SLCO1B3: variants seen among roughly 807,000 people sequenced by gnomAD.
The protein encoded by SLCO1B3 is liver-specific organic anion transporter 2.
SLCO1B3 carries 72 observed loss-of-function variants against 71.8 expected under a neutral mutation model. The observed-to-expected ratio is 1.00, with a 90% CI of 0.83 to 1.22. SLCO1B3 has a LOEUF of 1.22. Among genes scored for constraint, SLCO1B3 ranks in the 50% most tolerant of loss-of-function variants. The pLI is 0.00. For missense variants in SLCO1B3, 911 were observed against 819.7 expected, an observed-to-expected ratio of 1.11 and a Z score of -1.36; for synonymous variants, 298 against 278.4, an observed-to-expected ratio of 1.07 and a Z score of -0.70.
intron 8 of SLCO1B3, among the ~76,000 whole-genome samples, chr12:20,873,473 C>G (rs769988324): frequency 5.9e-5 from 9 of 152,240 alleles, no homozygotes; most frequent in Non-Finnish European, 1.2e-4. Flanking sequence ...CTGGCATATG[C>G]TGGGTCCTCT....
At chr12:20,878,991 C>A (rs893337643) in intron 10 of SLCO1B3, among the ~76,000 whole-genome samples, 3 of 151,964 alleles carry the variant, frequency 2.0e-5, no homozygotes, top group Admixed American at 6.6e-5. Context: ...GGATAGAAAT[C>A]TCAGAGAAAG....
At chr12:20,857,579 T>C (rs967627038) in intron 4 of SLCO1B3, among the ~76,000 whole-genome samples, 1 of 152,060 alleles carries the variant, frequency 6.6e-6, no homozygotes, top group Non-Finnish European at 1.5e-5. Context: ...ATTTTTAGTC[T>C]GCCAGTTCTG....
At chr12:20,819,473 A>G (rs940666411) in intron 3 of SLCO1B3, among the ~76,000 whole-genome samples, 28 of 152,252 alleles carry the variant, frequency 1.8e-4, no homozygotes, top group Admixed American at 1.0e-3. Flanking sequence ...CTGGTGCAAA[A>G]GAATAGTAAA....
At chr12:20,915,944 A>C in intron 15 of SLCO1B3, 60 bp from the exon 16 acceptor site, 2 of 1,377,244 alleles carry the variant, frequency 1.5e-6, no homozygotes, top group South Asian at 2.8e-5. Flanking sequence ...GGGAGAAAAA[A>C]ATGTAAGATA....
intron 3 of SLCO1B3, among the ~76,000 whole-genome samples, chr12:20,850,529 G>C (rs1476577583): frequency 1.3e-5 from 2 of 151,996 alleles, no homozygotes; most frequent in Non-Finnish European, 2.9e-5. Context: ...TGATCCACCC[G>C]CCTCGGCCTC....
intron 8 of SLCO1B3, among the ~76,000 whole-genome samples, chr12:20,873,043 A>G (rs896909850): frequency 6.6e-6 from 1 of 152,234 alleles, no homozygotes; most frequent in African/African-American, 2.4e-5. Context: ...AACTCTTAGG[A>G]AAGTTTGAAT....
chr12:20,902,605 T>G (rs986484238), intron 15 of SLCO1B3, among the ~76,000 whole-genome samples: 4 of 152,144 alleles, frequency 2.6e-5, no homozygotes, highest in Non-Finnish European at 5.9e-5. Flanking sequence ...TAAGTGACTA[T>G]GCTTATTTAA....
At chr12:20,879,944 G>A (rs954966281) in intron 11 of SLCO1B3, among the ~76,000 whole-genome samples, 1 of 151,888 alleles carries the variant, frequency 6.6e-6, no homozygotes, top group Admixed American at 6.6e-5. Flanking sequence ...CACATTATAT[G>A]GCTAGCAATG....
chr12:20,915,817 A>G (rs1002546118), intron 15 of SLCO1B3, among the ~76,000 whole-genome samples, 187 bp from the exon 16 acceptor site: 4 of 152,252 alleles, frequency 2.6e-5, no homozygotes, highest in South Asian at 4.1e-4. Context: ...GTAGCTTCAT[A>G]TGTTTTTTTA....
At chr12:20,905,210 G>A (rs2120409937) in intron 15 of SLCO1B3, among the ~76,000 whole-genome samples, 1 of 152,230 alleles carries the variant, frequency 6.6e-6, no homozygotes. Context: ...AGGGCAGCAG[G>A]GCCCTGGGCC....
chr12:20,846,365 T>TTTAG (rs756548641), intron 3 of SLCO1B3, among the ~76,000 whole-genome samples: 5 of 152,214 alleles, frequency 3.3e-5, no homozygotes, highest in Non-Finnish European at 7.3e-5. Flanking sequence ...AGTGTTATTC[T>TTTAG]TTAGTTAGTT....
chr12:20,833,391 C>T (rs1864585043), intron 3 of SLCO1B3, among the ~76,000 whole-genome samples: 1 of 150,210 alleles, frequency 6.7e-6, no homozygotes, highest in Non-Finnish European at 1.5e-5. Context: ...TATATATTCT[C>T]CATATATATG....
intron 8 of SLCO1B3, among the ~76,000 whole-genome samples, chr12:20,869,569 G>T (rs1865441236): frequency 1.3e-5 from 2 of 152,178 alleles, no homozygotes; most frequent in Non-Finnish European, 2.9e-5. Context: ...TGGGTGGCTT[G>T]CCGCTCACAC....
Position 20,916,583 on chromosome 12 carries a change from C to T in SLCO1B3, c.*336C>T, listed in dbSNP as rs575053126. ...TTAATAGCCTAAATAAAGAGAAAAG[C>T]CTGATGCCTTTAAAAAAAATGAAAC... On this transcript the variant is annotated 3_prime_UTR_variant, in exon 16 of 16. Transcript: ENST00000381545. 3 of 152,278 alleles carry T rather than the reference C, an allele frequency of 2.0e-5. No homozygotes were observed. The highest frequency in any genetic ancestry group is 1.4e-4 in the Admixed American group (2 of 14,466). The allele number at this position is 152,278 out of a possible 1,614,324, so 9.4% of individuals were successfully genotyped here. A position where few individuals can be genotyped will look rare whatever the true frequency, so the allele number is the denominator to read the frequency against.
At chr12:20,883,782 AAT>A in intron 13 of SLCO1B3, among the ~76,000 whole-genome samples, 180 bp downstream of exon 13, 1 of 151,984 alleles carries the variant, frequency 6.6e-6, no homozygotes, top group East Asian at 1.9e-4. Flanking sequence ...TTTTGTCTCT[AAT>A]ACTTCCATTG....
At chr12:20,812,024 G>C (rs1161971883) in intron 1 of SLCO1B3, among the ~76,000 whole-genome samples, 2 of 150,128 alleles carry the variant, frequency 1.3e-5, no homozygotes, top group Admixed American at 6.8e-5. Context: ...TCTCCTGCCT[G>C]AGCTTCCAGA....
rs1012131124 is a variant in SLCO1B3, at chr12:20,873,377, G to C, written c.728-1858G>C. ...TTTTTGTTTTTGTTTGTTTTTGCCT[G>C]CTCACTCTGCACTAACCTAGGGGGC... On this transcript the variant is annotated intron_variant, in intron 8 of 15. Transcript: ENST00000381545. Among the ~76,000 whole-genome samples, 19 of 146,820 alleles carry C rather than the reference G, an allele frequency of 1.3e-4. 1 individual carries two copies. The East Asian group carries it at 3.9e-3, about 30-fold the overall frequency.
chr12:20,850,584 T>C (rs1005305833), intron 3 of SLCO1B3, among the ~76,000 whole-genome samples: 1 of 152,178 alleles, frequency 6.6e-6, no homozygotes, highest in East Asian at 1.9e-4. Context: ...GCCCGGCCGA[T>C]GTACAGATTA....
intron 3 of SLCO1B3, among the ~76,000 whole-genome samples, chr12:20,816,667 C>T (rs574296733): frequency 1.3e-5 from 2 of 152,282 alleles, no homozygotes; most frequent in Admixed American, 6.5e-5. Flanking sequence ...CATGGAAGTA[C>T]AGATAATCTT....
Sources: allele counts gnomAD v4.1 joint callset (sites outside exome capture counted in the v4.1 genomes callset), GRCh38; gene constraint gnomAD v4.1.1; transcripts MANE v1.5; gene names NCBI Gene and HGNC (gene_info 2026-07-23, HGNC 2026-07-21).